ALCAM: variants seen among roughly 807,000 people sequenced by gnomAD.
ALCAM encodes activated leukocyte cell adhesion molecule.
A neutral mutation model predicts 70.9 loss-of-function variants in ALCAM; 30 were observed. The observed-to-expected ratio is 0.42, with a 90% confidence interval of 0.32 to 0.57. The LOEUF (loss-of-function observed/expected upper bound fraction) is 0.57. Among genes scored for constraint, ALCAM ranks in the 20% least tolerant of loss-of-function variants. The pLI, the probability that ALCAM is intolerant of heterozygous loss-of-function variation, is 0.11. For missense variants in ALCAM, 591 were observed against 695.1 expected, an observed-to-expected ratio of 0.85 and a Z score of 1.68; for synonymous variants, 249 against 242.5, an observed-to-expected ratio of 1.03 and a Z score of -0.25.
At chr3:105,536,441 G>C (rs1939972825) in intron 6 of ALCAM, among the ~76,000 whole-genome samples, 1 of 152,118 alleles carries the variant, frequency 6.6e-6, no homozygotes, top group Admixed American at 6.6e-5. Flanking sequence ...AACCATATTA[G>C]TGTAAGTGTA....
chr3:105,417,402 G>T (rs1936531961), intron 1 of ALCAM, among the ~76,000 whole-genome samples: 1 of 151,244 alleles, frequency 6.6e-6, no homozygotes, highest in Non-Finnish European at 1.5e-5. Context: ...TCATCAGTTT[G>T]GTCCAAGTAT....
intron 5 of ALCAM, among the ~76,000 whole-genome samples, chr3:105,534,091 C>A (rs1939910544): frequency 6.6e-6 from 1 of 152,048 alleles, no homozygotes; most frequent in African/African-American, 2.4e-5. Flanking sequence ...CAGTTCACAG[C>A]AGGATTTGCA....
chr3:105,541,742 C>G lies in ALCAM; in HGVS notation c.968C>G (p.Ala323Gly). 1 of 1,612,234 alleles carries G rather than the reference C, an allele frequency of 6.2e-7. No homozygotes were observed. Among genetic ancestry groups the G allele is most frequent in the East Asian group, 2.2e-5 (1 of 44,816 alleles). ...CSLIDKKSMI[A>G]STAITVHYLD... ...CTGATAGACAAAAAAAGCATGATTG[C>G]TTCAACAGCTATCACAGTTCACTGT... Residue 323 changes from alanine to glycine, a missense_variant, in exon 8 of 16, where the codon GCT (alanine) becomes GGT (glycine). Physicochemically the swap from Ala to Gly is moderately conservative, Grantham distance 60. Around this residue, in one of 2 missense-constraint regions of ALCAM, gnomAD observed 427 missense variants for 450.4 expected, o/e 0.95. Transcript: ENST00000306107.
At chr3:105,525,188 T>C (rs1236096378) in intron 3 of ALCAM, 1 of 984,782 alleles carries the variant, frequency 1.0e-6, no homozygotes. Flanking sequence ...TGAATGCTTA[T>C]GTGGGATACA....
chr3:105,367,629 G>A lies in ALCAM; in HGVS notation c.73+148G>A, dbSNP rs556470772. ...GCTGTCCTGGCACAGAGCTGTCCCCGGGCTCGGTCACCTGTGCCGCACGTT... is the reference window on the plus strand; with the variant it reads ...GCTGTCCTGGCACAGAGCTGTCCCCAGGCTCGGTCACCTGTGCCGCACGTT... On this transcript the variant is annotated intron_variant, in intron 1 of 15. Coordinates refer to ENST00000306107, the MANE Select transcript of ALCAM (RefSeq NM_001627.4). 59 of 897,464 alleles carry A rather than the reference G, an allele frequency of 6.6e-5. 3 individuals carry two copies. The South Asian group carries it at 9.7e-4, about 15-fold the overall frequency. 55.6% of individuals were successfully genotyped at this position (897,464 alleles called of 1,614,324 possible).
chr3:105,540,724 A>G (rs770594141), intron 7 of ALCAM, among the ~76,000 whole-genome samples: 1 of 152,020 alleles, frequency 6.6e-6, no homozygotes, highest in African/African-American at 2.4e-5. Context: ...TTGCTCTCGC[A>G]TATCTTTGTG....
intron 1 of ALCAM, among the ~76,000 whole-genome samples, chr3:105,479,883 T>C (rs1182919799): frequency 6.6e-6 from 1 of 152,160 alleles, no homozygotes; most frequent in East Asian, 1.9e-4. Context: ...CCATACGTTA[T>C]ACTATGGGAA....
chr3:105,539,671 G>A (rs1184650949), intron 6 of ALCAM, among the ~76,000 whole-genome samples: 1 of 152,008 alleles, frequency 6.6e-6, no homozygotes, highest in Non-Finnish European at 1.5e-5. Flanking sequence ...AAGCCATGCA[G>A]TTTGATTGTT....
intron 2 of ALCAM, among the ~76,000 whole-genome samples, chr3:105,523,627 T>A (rs756731917): frequency 6.6e-6 from 1 of 152,234 alleles, no homozygotes; most frequent in Non-Finnish European, 1.5e-5. Flanking sequence ...TAATTGTGTA[T>A]GCAGAGTACA....
At chr3:105,487,125 A>C (rs1338380720) in intron 1 of ALCAM, among the ~76,000 whole-genome samples, 2 of 151,518 alleles carry the variant, frequency 1.3e-5, no homozygotes, top group Non-Finnish European at 2.9e-5. Context: ...AAGAGTTGGA[A>C]ATTTTTGAGT....
chr3:105,416,467 T>C (rs1936510805), intron 1 of ALCAM, among the ~76,000 whole-genome samples: 1 of 151,986 alleles, frequency 6.6e-6, no homozygotes, highest in Non-Finnish European at 1.5e-5. Flanking sequence ...AAATTATATA[T>C]AAAATCACAC....
chr3:105,541,806 G>C (rs771859042), intron 8 of ALCAM, 41 bp downstream of exon 8: 5 of 1,602,912 alleles, frequency 3.1e-6, no homozygotes, highest in South Asian at 1.1e-5. Flanking sequence ...CACCTCAAAG[G>C]CTTCTAATAG....
chr3:105,523,127 G>C (rs554403861), intron 2 of ALCAM, among the ~76,000 whole-genome samples: 530 of 115,712 alleles, frequency 4.6e-3, no homozygotes, highest in African/African-American at 0.018. Context: ...GCGACAGAGC[G>C]AGACTCCGTC....
chr3:105,525,475 C>CT (rs1939679183), intron 3 of ALCAM: 4 of 518,898 alleles, frequency 7.7e-6, no homozygotes, highest in Non-Finnish European at 2.5e-6. Flanking sequence ...GCCAGTCTTT[C>CT]AGTCTTTTTT....
Position 105,539,999 on chromosome 3 carries a change from A to C in ALCAM, c.755A>C (p.Gln252Pro). Residue 252 changes from glutamine to proline, a missense_variant, in exon 7 of 16, where the codon CAA (glutamine) becomes CCA (proline). Physicochemically the swap from Gln to Pro is moderately conservative, Grantham distance 76 (BLOSUM62 -1). Coordinates refer to ENST00000306107, the MANE Select transcript of ALCAM (RefSeq NM_001627.4). ...GATCCTACAGAGCAGGTGACAATAC[A>C]AGTGCTGCCACCAAAAAATGCCATC... ...IYYPTEQVTI[Q>P]VLPPKNAIKE... 1 of 1,612,476 alleles carries C rather than the reference A, an allele frequency of 6.2e-7. No individual in the cohort carries two copies. The highest frequency in any genetic ancestry group is 8.5e-7 in the Non-Finnish European group (1 of 1,178,904).
intron 1 of ALCAM, among the ~76,000 whole-genome samples, chr3:105,488,839 G>T (rs548831958): frequency 1.3e-5 from 2 of 152,218 alleles, no homozygotes; most frequent in East Asian, 1.9e-4. Flanking sequence ...TAAACGGGTC[G>T]ATTCACCTTG....
At chr3:105,532,139 A>C (rs1939855485) in intron 4 of ALCAM, 73 bp downstream of exon 4, 2 of 1,259,208 alleles carry the variant, frequency 1.6e-6, no homozygotes, top group Non-Finnish European at 2.3e-6. Context: ...TTACATTCCA[A>C]GACAAGTAAG....
At chr3:105,545,461 CTCTGTT>C (rs1940223673) in intron 9 of ALCAM, 126 bp downstream of exon 9, 1 of 606,886 alleles carries the variant, frequency 1.6e-6, no homozygotes, top group East Asian at 2.9e-5. Context: ...CTCTCTCTCT[CTCTGTT>C]TCTGATAAGA....
At chr3:105,390,610 C>G (rs1935792621) in intron 1 of ALCAM, among the ~76,000 whole-genome samples, 1 of 151,996 alleles carries the variant, frequency 6.6e-6, no homozygotes, top group Non-Finnish European at 1.5e-5. Context: ...TACTTAGATC[C>G]CATTTGTCAA....
Sources: gnomAD v4.1 joint callset for allele counts (sites outside exome capture counted in the v4.1 genomes callset) on GRCh38, gnomAD v4.1.1 for gene constraint, gnomAD v4.1.1 regional missense constraint, MANE v1.5 for transcripts, NCBI Gene and HGNC (gene_info 2026-07-23, HGNC 2026-07-21) for gene names.